Variants in NT5DC3 observed in about 807,000 individuals in gnomAD.
The protein encoded by NT5DC3 is 5'-nucleotidase domain-containing protein 3.
A neutral mutation model predicts 67.8 loss-of-function variants in NT5DC3; 42 were observed. The ratio of observed to expected loss-of-function variants is 0.62; its 90% confidence interval spans 0.48 to 0.80. The LOEUF (loss-of-function observed/expected upper bound fraction) is 0.80. Among genes scored for constraint, NT5DC3 ranks in the 30% least tolerant of loss-of-function variants. The pLI is 0.00. For missense variants in NT5DC3, 570 were observed against 696.4 expected (o/e 0.82, Z 2.04); for synonymous variants, 237 against 255.6 (o/e 0.93, Z 0.69).
chr12:103,778,746 C>T (rs1300690886), intron 13 of NT5DC3, among the ~76,000 whole-genome samples: 2 of 152,022 alleles, frequency 1.3e-5, no homozygotes, highest in Non-Finnish European at 2.9e-5. Context: ...GTTGAGGCTG[C>T]AGTGAGCTGT....
At chr12:103,758,304 T>C in the NT5DC3 span, 1 of 1,612,096 alleles carries the variant, frequency 6.2e-7, no homozygotes, top group South Asian at 1.1e-5. Flanking sequence ...GTTGAGTCCC[T>C]GGTGCCTTTG....
intron 2 of NT5DC3, among the ~76,000 whole-genome samples, chr12:103,814,524 A>G (rs1039959636): frequency 1.3e-5 from 2 of 152,228 alleles, no homozygotes; most frequent in Non-Finnish European, 2.9e-5. Flanking sequence ...GTATCAGAAG[A>G]AAGACATTCA....
chr12:103,784,831 G>C (rs1290024693), intron 12 of NT5DC3, among the ~76,000 whole-genome samples: 1 of 152,230 alleles, frequency 6.6e-6, no homozygotes, highest in Non-Finnish European at 1.5e-5. Context: ...GGGAACTCCA[G>C]TAAGCCAGCA....
At chr12:103,760,087 C>T in the NT5DC3 span, among the ~76,000 whole-genome samples, 2 of 152,210 alleles carry the variant, frequency 1.3e-5, no homozygotes, top group Non-Finnish European at 2.9e-5. Flanking sequence ...CATCTACTCC[C>T]AGTCTCCAGT....
At chr12:103,785,891 T>A (rs1381488392) in intron 11 of NT5DC3, 3 of 372,778 alleles carry the variant, frequency 8.0e-6, no homozygotes, top group Non-Finnish European at 1.5e-5. Context: ...AACCATGGAA[T>A]CTCAGATTTG....
chr12:103,812,535 T>G (rs1887078883), intron 2 of NT5DC3, among the ~76,000 whole-genome samples: 1 of 152,224 alleles, frequency 6.6e-6, no homozygotes, highest in Non-Finnish European at 1.5e-5. Context: ...CCCCTCAAAT[T>G]TCATAAACTT....
chr12:103,750,563 C>G, the NT5DC3 span: 8 of 1,612,582 alleles, frequency 5.0e-6, no homozygotes, highest in Non-Finnish European at 6.8e-6. Flanking sequence ...CATCTCTTCC[C>G]ACTCTCCCTC....
chr12:103,841,039 C>T lies in NT5DC3; in HGVS notation c.118G>A (p.Ala40Thr). 7.9e-7 allele frequency: 1 copy of T among 1,265,330 alleles called. No individual in the cohort carries two copies. Among genetic ancestry groups the T allele is most frequent in the Non-Finnish European group, 9.9e-7 (1 of 1,007,138 alleles). The allele number at this position is 1,265,330 out of a possible 1,614,324, so 78.4% of individuals were successfully genotyped here. ...CCGGGTGCAGTGCACAAGGGCCGGG[C>T]GGGGCCCGCACACGGCCGCCCCCGA... ...AARGRPCAGP[A>T]RPLCTAPGTA... is the part of the protein sequence containing the mutation. The change falls in exon 1 of 14, where the codon GCC (alanine) becomes ACC (threonine). Residue 40 changes from alanine (A) to threonine (T), a missense_variant. Ala to Thr is a moderately conservative substitution (Grantham distance 58). Transcript: ENST00000392876.
At chr12:103,757,010 T>G in the NT5DC3 span, among the ~76,000 whole-genome samples, 1,333 of 137,538 alleles carry the variant, frequency 9.7e-3, 25 homozygotes, top group Non-Finnish European at 0.015. Context: ...TATATATATA[T>G]ATATATATAT....
intron 4 of NT5DC3, among the ~76,000 whole-genome samples, chr12:103,803,869 C>T (rs200115923): frequency 1.0e-5 from 1 of 98,406 alleles, no homozygotes; most frequent in Non-Finnish European, 2.2e-5. Flanking sequence ...ACCCCCCCCC[C>T]AAAAAAATGT....
chr12:103,789,279 C>T (rs1175440332), intron 9 of NT5DC3, among the ~76,000 whole-genome samples: 1 of 152,110 alleles, frequency 6.6e-6, no homozygotes, highest in East Asian at 1.9e-4. Context: ...CAAAAATTAG[C>T]TGAGCATGGT....
In NT5DC3 at chr12:103,776,348, G is replaced by C. The variant is rs1032556216; in HGVS notation, c.*1481C>G. The stretch of plus-strand genomic sequence containing the variant: ...AGGCGGGCAGATTATCTGAGGTCGG[G>C]AGTTCGAGACCAGCCTGACCAACAT... On this transcript the variant is annotated 3_prime_UTR_variant, in exon 14 of 14. Transcript: ENST00000392876. 6.6e-6 allele frequency: 1 copy of C among 152,240 alleles called. No individual in the cohort carries two copies. Among genetic ancestry groups the C allele is most frequent in the South Asian group, 2.1e-4 (1 of 4,826 alleles). 9.4% of individuals were successfully genotyped at this position (152,240 alleles called of 1,614,324 possible). A position where few individuals can be genotyped will look rare whatever the true frequency, so the allele number is the denominator to read the frequency against.
the NT5DC3 span, chr12:103,750,491 T>C: frequency 6.4e-7 from 1 of 1,551,430 alleles, no homozygotes; most frequent in African/African-American, 1.4e-5. Context: ...GAACACCTCC[T>C]AGGCTGGACA....
the NT5DC3 span, among the ~76,000 whole-genome samples, chr12:103,757,083 T>C: frequency 6.7e-6 from 1 of 149,340 alleles, no homozygotes. Flanking sequence ...TATATATTTA[T>C]ATATATTTTG....
intron 2 of NT5DC3, among the ~76,000 whole-genome samples, chr12:103,811,870 AAGAG>A (rs1887047045): frequency 6.6e-6 from 1 of 152,046 alleles, no homozygotes; most frequent in African/African-American, 2.4e-5. Context: ...TTAAAGGAAA[AAGAG>A]AGCATAGCAT....
intron 1 of NT5DC3, among the ~76,000 whole-genome samples, chr12:103,828,071 A>C (rs1887769544): frequency 6.6e-6 from 1 of 152,266 alleles, no homozygotes; most frequent in South Asian, 2.1e-4. Flanking sequence ...TCAAAGGGAT[A>C]CTGACAAACT....
At chr12:103,766,759 G>A (rs571877085), downstream of NT5DC3, 54 of 159,208 alleles carry the variant, frequency 3.4e-4, no homozygotes, top group Admixed American at 1.2e-3. Context: ...CTGCACCAGA[G>A]GAGGAGTTGA....
the NT5DC3 span, chr12:103,755,083 G>A: frequency 1.4e-5 from 8 of 567,476 alleles, no homozygotes; most frequent in East Asian, 2.0e-4. Context: ...TGAAAGACCT[G>A]GGCACCTACA....
chr12:103,771,452 T>TATG (rs1352229575), downstream of NT5DC3: 1 of 152,226 alleles, frequency 6.6e-6, no homozygotes, highest in African/African-American at 2.4e-5. Context: ...CACGTAGATT[T>TATG]ATGTGTAGAC....
Sources: gnomAD v4.1 joint callset for allele counts (sites outside exome capture counted in the v4.1 genomes callset) on GRCh38, gnomAD v4.1.1 for gene constraint, MANE v1.5 for transcripts, NCBI Gene and HGNC (gene_info 2026-07-23, HGNC 2026-07-21) for gene names.